The following NRK variants were observed in gnomAD, a reference collection of about 807,000 sequenced individuals.
NRK encodes nik-related protein kinase.
In NRK, 67 loss-of-function variants were observed where a neutral mutation model predicts 125.2. The observed-to-expected ratio is 0.54, with a 90% CI of 0.44 to 0.66. NRK has a LOEUF of 0.66. Ranked by LOEUF, NRK falls within the 30% of genes least tolerant of loss-of-function variation. The pLI is 0.00. For synonymous variants in NRK, 458 were observed against 429.0 expected, an observed-to-expected ratio of 1.07 and a Z score of -0.84; for missense variants, 1,224 against 1,192.9, an observed-to-expected ratio of 1.03 and a Z score of -0.38.
Position 105,881,760 on chromosome X carries a change from C to A in NRK, c.233C>A (p.Ser78Tyr). 8.8e-7 allele frequency: 1 copy of A among 1,136,472 alleles called. No individual in the cohort carries two copies. Among genetic ancestry groups the A allele is most frequent in the Middle Eastern group, 2.4e-4 (1 of 4,175 alleles). 93.7% of individuals were successfully genotyped at this position (1,136,472 alleles called of 1,213,427 possible). A position where few individuals can be genotyped will look rare whatever the true frequency, so the allele number is the denominator to read the frequency against. Residue 78 changes from serine (S) to tyrosine (Y), a missense_variant, in exon 4 of 29, where the codon TCT becomes TAT. Coordinates refer to ENST00000243300, the MANE Select transcript of NRK (RefSeq NM_198465.4). ...GTGAGAGTGAATAAATATCAAAAAT[C>A]TGTTGGGTGGAGATACAGTGTGAGT... is the stretch of plus-strand genomic sequence containing the variant. ...RRVRVNKYQK[S>Y]VGWRYSDEEE...
At chrX:105,894,032 G>T in intron 6 of NRK, 90 bp downstream of exon 6, 1 of 467,324 alleles carries the variant, frequency 2.1e-6, no homozygotes. Flanking sequence ...ACATCAGATA[G>T]TTTAGGTATT....
At chrX:105,866,573 T>C (rs1305411316) in intron 2 of NRK, among the ~76,000 whole-genome samples, 1 of 111,592 alleles carries the variant, frequency 9.0e-6, no homozygotes, top group Non-Finnish European at 1.9e-5. Context: ...TTCAATACAA[T>C]TTAGAAAGGA....
At chrX:105,886,882 G>A (rs934093381) in intron 4 of NRK, among the ~76,000 whole-genome samples, 1 of 110,889 alleles carries the variant, frequency 9.0e-6, no homozygotes, top group Non-Finnish European at 1.9e-5. Flanking sequence ...GTATGGTACT[G>A]TCCATCCACA....
chrX:105,835,415 G>T lies in NRK; in HGVS notation c.123+4296G>T, dbSNP rs369179283. 3.6e-5 allele frequency among the ~76,000 whole-genome samples: 4 copies of T among 110,938 alleles called. No homozygotes were observed. In the East Asian group the frequency reaches 8.6e-4, roughly 24 times the overall value. ...TGTTGCCCTCCCCTAATGGTATACT[G>T]CTATTGCTTCTTATTAAGTTCTCAT... On this transcript the variant is annotated intron_variant, in intron 2 of 28. Coordinates refer to ENST00000243300, the MANE Select transcript of NRK (RefSeq NM_198465.4).
intron 8 of NRK, 78 bp downstream of exon 8, chrX:105,898,792 CA>C: frequency 4.6e-6 from 4 of 874,504 alleles, no homozygotes; most frequent in Non-Finnish European, 6.1e-6. Flanking sequence ...AATGATAAAA[CA>C]AAAAATAAAA....
chrX:105,922,724 G>T (rs775320767), intron 17 of NRK, among the ~76,000 whole-genome samples: 3 of 111,485 alleles, frequency 2.7e-5, no homozygotes, highest in Non-Finnish European at 5.7e-5. Flanking sequence ...TAAAACCTGA[G>T]CTGGTAAATT....
chrX:105,899,272 T>C (rs1258193502), intron 8 of NRK, among the ~76,000 whole-genome samples: 1 of 112,145 alleles, frequency 8.9e-6, no homozygotes, highest in East Asian at 2.8e-4. Flanking sequence ...AATATACATA[T>C]ATCCATGTAC....
chrX:105,853,422 C>A (rs1328386783), intron 2 of NRK, among the ~76,000 whole-genome samples: 4 of 112,079 alleles, frequency 3.6e-5, no homozygotes, highest in Non-Finnish European at 7.5e-5. Context: ...TAGAACCAGG[C>A]ACTAACATGA....
At chrX:105,912,795 A>G (rs1724412412) in intron 14 of NRK, 40 bp downstream of exon 14, 1 of 662,050 alleles carries the variant, frequency 1.5e-6, no homozygotes, top group Non-Finnish European at 2.3e-6. Context: ...ATTAGTAAGA[A>G]CCCAGAACAG....
intron 13 of NRK, among the ~76,000 whole-genome samples, chrX:105,910,155 C>T (rs1382152637): frequency 4.5e-5 from 5 of 111,558 alleles, no homozygotes; most frequent in African/African-American, 6.5e-5. Flanking sequence ...AAAGTGTCAA[C>T]GAATGCACAT....
chrX:105,935,419 AT>A, intron 21 of NRK, 94 bp downstream of exon 21: 1 of 555,439 alleles, frequency 1.8e-6, no homozygotes, highest in Non-Finnish European at 2.7e-6. Flanking sequence ...TTACCAAGTC[AT>A]TACAATAAAA....
At chrX:105,823,036 C>A in intron 1 of NRK, 134 bp downstream of exon 1, 2 of 609,612 alleles carry the variant, frequency 3.3e-6, no homozygotes, top group Non-Finnish European at 5.0e-6. Flanking sequence ...GGAAGGGGAT[C>A]CTGGGAGCCG....
intron 6 of NRK, among the ~76,000 whole-genome samples, chrX:105,894,416 T>C (rs745481064): frequency 8.9e-6 from 1 of 111,800 alleles, no homozygotes; most frequent in Non-Finnish European, 1.9e-5. Context: ...CCACACCCAG[T>C]TGGATGAGAG....
chrX:105,934,963 G>A (rs1035285030), intron 20 of NRK, among the ~76,000 whole-genome samples: 3 of 111,516 alleles, frequency 2.7e-5, no homozygotes, highest in Non-Finnish European at 5.6e-5. Context: ...TGTGAGCCAC[G>A]ACATCTAGCC....
At chrX:105,859,046 T>C (rs1334678926) in intron 2 of NRK, among the ~76,000 whole-genome samples, 1 of 111,573 alleles carries the variant, frequency 9.0e-6, no homozygotes, top group Non-Finnish European at 1.9e-5. Flanking sequence ...TAAGAGAATA[T>C]ACTCACCTTA....
intron 4 of NRK, among the ~76,000 whole-genome samples, chrX:105,887,401 G>A (rs1569301748): frequency 8.9e-6 from 1 of 111,918 alleles, no homozygotes; most frequent in East Asian, 2.8e-4. Flanking sequence ...CCACTAGAAT[G>A]GTTATAATAA....
intron 2 of NRK, among the ~76,000 whole-genome samples, chrX:105,860,562 C>T (rs1013998878): frequency 1.9e-4 from 21 of 110,152 alleles, no homozygotes; most frequent in Non-Finnish European, 3.2e-4. Context: ...GCAGTCATCC[C>T]CCAGGCCCCC....
At position 105,922,005 on chromosome X, in the gene NRK, T is replaced by A. The variant is rs200379525; in HGVS notation, c.2554T>A (p.Ser852Thr). 93 of 1,184,348 alleles carry A rather than the reference T, an allele frequency of 7.9e-5. No homozygotes were observed. In the African/African-American group the frequency reaches 1.4e-3, roughly 17 times the overall value. ...AGAAAGTCCTGTGACTGGAAGGAGG[T>A]CTCAGTCATCACCACCTTATTCTAC... Reference protein sequence around the residue: ...EEESPVTGRRSQSSPPYSTID... With the variant: ...EEESPVTGRRTQSSPPYSTID... The change falls in exon 17 of 29, where the codon TCT (serine) becomes ACT (threonine). Residue 852 changes from serine to threonine, a missense_variant. Ser to Thr is a moderately conservative substitution (Grantham distance 58, BLOSUM62 1). Transcript: ENST00000243300.
At chrX:105,918,090 C>T (rs1306379638) in intron 16 of NRK, among the ~76,000 whole-genome samples, 1 of 110,977 alleles carries the variant, frequency 9.0e-6, no homozygotes, top group Non-Finnish European at 1.9e-5. Context: ...TACTTCACCT[C>T]TCCAAAATAG....
Sources: allele counts gnomAD v4.1 joint callset (sites outside exome capture counted in the v4.1 genomes callset), GRCh38; gene constraint gnomAD v4.1.1; transcripts MANE v1.5; gene names NCBI Gene and HGNC (gene_info 2026-07-23, HGNC 2026-07-21).